The following MATR3 variants were observed in gnomAD, a reference collection of about 807,000 sequenced individuals.
The protein encoded by MATR3 is matrin-3.
Under a neutral mutation model 85.5 loss-of-function variants are expected in MATR3, and 4 were observed. The observed-to-expected ratio is 0.05, with a 90% confidence interval of 0.02 to 0.11. The LOEUF is 0.11. Ranked by LOEUF, MATR3 falls within the 10% of genes least tolerant of loss-of-function variation. The pLI is 1.00. For synonymous variants in MATR3, 336 were observed against 343.1 expected, an observed-to-expected ratio of 0.98 and a Z score of 0.23; for missense variants, 685 against 1,016.1, an observed-to-expected ratio of 0.67 and a Z score of 4.43.
upstream of MATR3, among the ~76,000 whole-genome samples, chr5:139,289,386 C>G (rs1346787226): frequency 1.7e-4 from 26 of 152,240 alleles, no homozygotes; most frequent in Non-Finnish European, 1.5e-5. Context: ...AGCTACTGCA[C>G]TCCATCCTGG....
intron 7 of MATR3, among the ~76,000 whole-genome samples, chr5:139,318,705 G>A (rs1307910800): frequency 6.6e-6 from 1 of 152,200 alleles, no homozygotes; most frequent in African/African-American, 2.4e-5. Context: ...TCGGCCTCCC[G>A]AAGTGTTGGG....
At chr5:139,322,165 C>A in intron 10 of MATR3, 136 bp downstream of exon 10, 1 of 1,121,224 alleles carries the variant, frequency 8.9e-7, no homozygotes, top group Non-Finnish European at 1.3e-6. Flanking sequence ...TGAAAGAGAA[C>A]AACCTTTTTT....
chr5:139,280,980 A>C (rs1470194720), intron 3 of MATR3, among the ~76,000 whole-genome samples: 4 of 152,048 alleles, frequency 2.6e-5, no homozygotes, highest in African/African-American at 9.7e-5. Context: ...TAAGCAAAGA[A>C]ATATATTTCC....
intron 4 of MATR3, 65 bp downstream of exon 4, chr5:139,315,803 T>A: frequency 7.9e-7 from 1 of 1,258,990 alleles, no homozygotes; most frequent in Middle Eastern, 1.9e-4. Flanking sequence ...AGGTTTCACT[T>A]TCAACATTTC....
At position 139,317,582 on chromosome 5, in the gene MATR3, C is replaced by T. The variant is rs1755319259; in HGVS notation, c.1183-14C>T. On this transcript the variant is annotated splice_polypyrimidine_tract_variant and intron_variant, in intron 6 of 14. Coordinates refer to ENST00000394805, the MANE Select transcript of MATR3 (RefSeq NM_018834.6). ...AGAGACTTAATTGCTTGGTTTTTTT[C>T]CCCTAATGGATAGGAAACTAGCAGA... The T allele has an allele frequency of 6.3e-7, 1 of 1,595,382 alleles. No individual in the cohort carries two copies. The highest frequency in any genetic ancestry group is 1.1e-5 in the South Asian group (1 of 89,912).
intron 13 of MATR3, among the ~76,000 whole-genome samples, chr5:139,325,869 T>C (rs560662469): frequency 6.6e-6 from 1 of 152,378 alleles, no homozygotes; most frequent in South Asian, 2.1e-4. Flanking sequence ...TCTGTTGTTA[T>C]TCCACAATGT....
Position 139,322,514 on chromosome 5 carries a change from C to G in MATR3, c.1778+8C>G. On this transcript the variant is annotated splice_region_variant and intron_variant, in intron 11 of 14. Coordinates refer to ENST00000394805, the MANE Select transcript of MATR3 (RefSeq NM_018834.6). ...GAAAAAAGATAAATCCCGGTAATTT[C>G]ATTTTGTTTTTCATATGTGTGAGTA... The G allele has an allele frequency of 6.4e-7, 1 of 1,573,754 alleles. No homozygotes were observed. Among genetic ancestry groups the G allele is most frequent in the Non-Finnish European group, 8.7e-7 (1 of 1,146,768 alleles).
intron 6 of MATR3, among the ~76,000 whole-genome samples, chr5:139,317,370 G>C (rs544978951): frequency 1.3e-4 from 20 of 152,280 alleles, no homozygotes; most frequent in African/African-American, 3.4e-4. Flanking sequence ...AATCACTACA[G>C]AGAGTATGTT....
intron 14 of MATR3, among the ~76,000 whole-genome samples, chr5:139,328,733 A>G: frequency 6.6e-6 from 1 of 152,110 alleles, no homozygotes; most frequent in Non-Finnish European, 1.5e-5. Flanking sequence ...CAGATGTGAT[A>G]GCTCTTGCCT....
intron 12 of MATR3, chr5:139,325,163 A>G: frequency 1.6e-6 from 2 of 1,282,616 alleles, no homozygotes; most frequent in Non-Finnish European, 2.1e-6. Flanking sequence ...ACTGCACCCC[A>G]GCCTGGTCGA....
rs1257642434 is a variant in MATR3 at position 139,321,924 on chromosome 5, A to G, written c.1629A>G (p.Glu543=). The change falls in exon 10 of 15, where the codon GAA becomes GAG. Residue 543 remains glutamate, a synonymous_variant. Transcript: ENST00000394805. The stretch of plus-strand genomic sequence containing the variant: ...CTTTTATTGAGATGGAGACAAGAGA[A>G]GATGCAATGGCAATGGTTGACCATT... The part of the protein sequence containing the change: ...SQAFIEMETR[E]DAMAMVDHCL... 3 of 1,613,848 alleles carry G rather than the reference A, an allele frequency of 1.9e-6. No homozygotes were observed. Among genetic ancestry groups the G allele is most frequent in the Non-Finnish European group, 2.5e-6 (3 of 1,179,994 alleles).
In MATR3 at chr5:139,326,211, C is replaced by T. The variant is rs753153421; in HGVS notation, c.2420C>T (p.Ser807Leu). Residue 807 changes from serine to leucine, a missense_variant, in exon 14 of 15, where the codon TCA becomes TTA. By Grantham distance (145) the Ser-to-Leu change is moderately radical. Around this residue, in one of 9 missense-constraint regions of MATR3, gnomAD observed 45 missense variants for 82.5 expected, o/e 0.55. Coordinates refer to ENST00000394805, the MANE Select transcript of MATR3 (RefSeq NM_018834.6). ...ACAGGGTTTTACTGTAAGCTGTGTTCACTCTTTTATACAAATGAAGAAGTT... is the reference window on the plus strand; with the variant it reads ...ACAGGGTTTTACTGTAAGCTGTGTTTACTCTTTTATACAAATGAAGAAGTT... ...PKTGFYCKLC[S>L]LFYTNEEVAK... The T allele has an allele frequency of 6.2e-7, 1 of 1,611,868 alleles. No homozygotes were observed. The highest frequency in any genetic ancestry group is 8.5e-7 in the Non-Finnish European group (1 of 1,178,442).
rs1442681756 is a variant in MATR3 at position 139,330,453 on chromosome 5, G to A, written c.*1058G>A. ...GGAATGTTAACCAACGTATTTGTCA[G>A]TTGTGGTTTTTATTCGCTCTTAAAC... On this transcript the variant is annotated 3_prime_UTR_variant, in exon 15 of 15. Transcript: ENST00000394805. 2.2e-6 allele frequency: 1 copy of A among 454,306 alleles called. No individual in the cohort carries two copies. Among genetic ancestry groups the A allele is most frequent in the Non-Finnish European group, 4.4e-6 (1 of 226,792 alleles). 28.1% of individuals were successfully genotyped at this position (454,306 alleles called of 1,614,324 possible). A position where few individuals can be genotyped will look rare whatever the true frequency, so the allele number is the denominator to read the frequency against.
rs1581233949 is a variant in MATR3 at position 139,307,132 on chromosome 5, C to T, written c.-177-107C>T. 2 of 775,942 alleles carry T rather than the reference C, an allele frequency of 2.6e-6. No individual in the cohort carries two copies. Among genetic ancestry groups the T allele is most frequent in the East Asian group, 1.3e-4 (2 of 15,510 alleles). 48.1% of individuals were successfully genotyped at this position (775,942 alleles called of 1,614,324 possible). A position where few individuals can be genotyped will look rare whatever the true frequency, so the allele number is the denominator to read the frequency against. ...AATAAATTCCTTGTAAGTTTGAGAT[C>T]TTAAATGTTTTTTTTTTAAATCAAC... On this transcript the variant is annotated intron_variant, in intron 1 of 14. Coordinates refer to ENST00000394805, the MANE Select transcript of MATR3 (RefSeq NM_018834.6). The surrounding 1 kb of genome is among the most constrained non-coding windows in gnomAD (Gnocchi z 4.4).
chr5:139,321,738 G>T (rs552033161), intron 9 of MATR3, 160 bp from the exon 10 acceptor site: 17 of 707,472 alleles, frequency 2.4e-5, no homozygotes, highest in Middle Eastern at 4.0e-4. Context: ...AGCCAGGATT[G>T]CGCCACTGCA....
chr5:139,309,671 C>T (rs1345510508), intron 2 of MATR3, among the ~76,000 whole-genome samples: 2 of 152,168 alleles, frequency 1.3e-5, no homozygotes, highest in East Asian at 3.9e-4. Context: ...ACCCCAGACT[C>T]ACAAAAGCCA....
chr5:139,278,889 TG>T (rs750285543), intron 2 of MATR3: 1 of 517,376 alleles, frequency 1.9e-6, no homozygotes, highest in South Asian at 1.4e-5. Context: ...ACTGTTTTGG[TG>T]TTGTAGCTGA....
intron 1 of MATR3, among the ~76,000 whole-genome samples, chr5:139,295,825 T>TG (rs1219563490): frequency 1.3e-5 from 2 of 152,080 alleles, no homozygotes; most frequent in Non-Finnish European, 2.9e-5. Flanking sequence ...TCTTGGATCT[T>TG]TTTTTTCTCT....
At chr5:139,303,177 G>A (rs2151948732) in intron 1 of MATR3, among the ~76,000 whole-genome samples, 1 of 152,178 alleles carries the variant, frequency 6.6e-6, no homozygotes, top group Admixed American at 6.5e-5. Flanking sequence ...TCTCGGCTCA[G>A]TGCAGCCTCC....
Sources: gnomAD v4.1 joint callset for allele counts (sites outside exome capture counted in the v4.1 genomes callset) on GRCh38, gnomAD v4.1.1 for gene constraint, gnomAD v4.1.1 regional missense constraint, Gnocchi (gnomAD v3.1) non-coding constraint, MANE v1.5 for transcripts, NCBI Gene and HGNC (gene_info 2026-07-23, HGNC 2026-07-21) for gene names.